SLC38A5: variants seen among roughly 807,000 people sequenced by gnomAD.
SLC38A5 encodes the protein sodium-coupled neutral amino acid transporter 5.
Under a neutral mutation model 34.6 loss-of-function variants are expected in SLC38A5, and 9 were observed. That is an observed-to-expected ratio of 0.26 (90% confidence interval 0.16 to 0.45). SLC38A5 has a LOEUF of 0.45. SLC38A5 is among the 20% of genes least tolerant of loss of function. The probability of loss-of-function intolerance (pLI) is 1.00; values close to 1 mark genes in which losing one functional copy is unlikely to be tolerated. For synonymous variants in SLC38A5, 157 were observed against 155.6 expected, an observed-to-expected ratio of 1.01 and a Z score of -0.07; for missense variants, 253 against 394.7, an observed-to-expected ratio of 0.64 and a Z score of 3.04.
At chrX:48,462,329 A>G in intron 9 of SLC38A5, 38 bp from the exon 10 acceptor site, 1 of 1,177,827 alleles carries the variant, frequency 8.5e-7, no homozygotes, top group Non-Finnish European at 1.1e-6. Flanking sequence ...GAAATCAGCC[A>G]GGCGTGGTGG....
At position 48,459,575 on chromosome X, in the gene SLC38A5, G is replaced by C. The variant is rs1556961378; in HGVS notation, c.1278C>G (p.Pro426=). The change falls in exon 16 of 17, where the codon CCC becomes CCG. Residue 426 remains proline, a synonymous_variant. Coordinates refer to ENST00000620913, the MANE Select transcript of SLC38A5 (RefSeq NM_033518.4). ...AGGATAAGAAAGGCTCCACCTCAGAGGGTACAATGCGGAGGTAGAAGATGC... is the reference window on the plus strand; with the variant it reads ...AGGATAAGAAAGGCTCCACCTCAGACGGTACAATGCGGAGGTAGAAGATGC... ...LPSIFYLRIV[P]SEVEPFLSWP... is the part of the protein sequence containing the mutation. 1 of 1,136,434 alleles carries C rather than the reference G, an allele frequency of 8.8e-7. No individual in the cohort carries two copies. The highest frequency in any genetic ancestry group is 1.8e-5 in the African/African-American group (1 of 55,006). 93.7% of individuals were successfully genotyped at this position (1,136,434 alleles called of 1,213,427 possible). A position where few individuals can be genotyped will look rare whatever the true frequency, so the allele number is the denominator to read the frequency against.
rs113356034 is a variant in SLC38A5 at position 48,467,741 on chromosome X, G to C, written c.98C>G (p.Ala33Gly). ...REGFLPSRGPAPGSKPVQFMD... is the reference protein window; with the variant it reads ...REGFLPSRGPGPGSKPVQFMD... Reference sequence around the variant, plus strand: ...GAACTGGACCGGCTTGCTCCCAGGAGCAGGACCACGACTGGGCAGGAAGCC... The same window carrying C: ...GAACTGGACCGGCTTGCTCCCAGGACCAGGACCACGACTGGGCAGGAAGCC... The change falls in exon 4 of 17, where the codon GCT becomes GGT. Residue 33 changes from alanine (A) to glycine (G), a missense_variant. Physicochemically the swap from Ala to Gly is moderately conservative, Grantham distance 60. Coordinates refer to ENST00000620913, the MANE Select transcript of SLC38A5 (RefSeq NM_033518.4). The C allele has an allele frequency of 4.1e-5, 49 of 1,206,201 alleles. No homozygotes were observed. The highest frequency in any genetic ancestry group is 5.5e-5 in the Non-Finnish European group (49 of 893,590).
rs2061482329 is a variant in SLC38A5, at chrX:48,467,009, G to A, written c.198C>T (p.Ile66=). ...NLSNAIMGSG[I]LGLAYAMAHT... ...GGGCCATGGCATAGGCCAGCCCCAG[G>A]ATGCCGCTGCCCATGATGGCGTTGC... Residue 66 remains isoleucine, a synonymous_variant, in exon 5 of 17, where the codon ATC becomes ATT. Coordinates refer to ENST00000620913, the MANE Select transcript of SLC38A5 (RefSeq NM_033518.4). 3 of 1,210,862 alleles carry A rather than the reference G, an allele frequency of 2.5e-6. No individual in the cohort carries two copies. The highest frequency in any genetic ancestry group is 3.4e-6 in the Non-Finnish European group (3 of 895,393).
At chrX:48,468,464 C>A in intron 2 of SLC38A5, 2 of 719,729 alleles carry the variant, frequency 2.8e-6, no homozygotes, top group Non-Finnish European at 3.3e-6. Flanking sequence ...CCCCCTCCTT[C>A]CCGCCTGGGC....
At chrX:48,467,967 G>C (rs113935040) in intron 2 of SLC38A5, 42 bp from the exon 3 acceptor site, 12 of 1,162,569 alleles carry the variant, frequency 1.0e-5, no homozygotes. Context: ...GAGATGGAAC[G>C]AGCATGCTTC....
chrX:48,468,463 T>A, intron 2 of SLC38A5: 10 of 727,338 alleles, frequency 1.4e-5, no homozygotes, highest in Non-Finnish European at 1.6e-5. Context: ...CCCCCCTCCT[T>A]CCCGCCTGGG....
Position 48,462,309 on chromosome X carries a change from CAG to C in SLC38A5, c.575-20_575-19del, listed in dbSNP as rs782676539. The stretch of plus-strand genomic sequence containing the variant: ...CAGGTAGCCTAAGAGGGGCAAAACA[CAG>C]AGTCTCAGAAATCAGCCAGGCGTGG... On this transcript the variant is annotated intron_variant, in intron 9 of 16. Coordinates refer to ENST00000620913, the MANE Select transcript of SLC38A5 (RefSeq NM_033518.4). The C allele has an allele frequency of 3.3e-6, 4 of 1,202,084 alleles. No individual in the cohort carries two copies. The highest frequency in any genetic ancestry group is 4.5e-6 in the Non-Finnish European group (4 of 889,408).
intron 14 of SLC38A5, 120 bp from the exon 15 acceptor site, chrX:48,459,996 A>G (rs1309890102): frequency 6.3e-6 from 6 of 954,692 alleles, no homozygotes; most frequent in East Asian, 3.4e-5. Flanking sequence ...CCCTCTGACT[A>G]TCTATGGCTC....
Position 48,458,996 on chromosome X carries a change from G to C in SLC38A5, c.1356C>G (p.Ala452=), listed in dbSNP as rs148202849. ...CFGVLGVLFM[A]VSLGFMFANW... ...TGGCAAACATAAAGCCTAGACTGACGGCCATGAAGAGGACTCCCAGGACTC... is the reference window on the plus strand; with the variant it reads ...TGGCAAACATAAAGCCTAGACTGACCGCCATGAAGAGGACTCCCAGGACTC... Residue 452 remains alanine, a synonymous_variant, in exon 17 of 17, where the codon GCC becomes GCG. Coordinates refer to ENST00000620913, the MANE Select transcript of SLC38A5 (RefSeq NM_033518.4). 3 of 1,194,933 alleles carry C rather than the reference G, an allele frequency of 2.5e-6. No individual in the cohort carries two copies. The African/African-American group carries it at 5.2e-5, about 21-fold the overall frequency.
chrX:48,468,353 A>T, intron 2 of SLC38A5: 1 of 728,979 alleles, frequency 1.4e-6, no homozygotes, highest in Admixed American at 9.3e-5. Flanking sequence ...CCCCCGCGCC[A>T]CCCCCTCTCC....
intron 7 of SLC38A5, 40 bp from the exon 8 acceptor site, chrX:48,466,133 T>G (rs990099997): frequency 1.7e-6 from 2 of 1,168,294 alleles, no homozygotes; most frequent in Non-Finnish European, 2.3e-6. Context: ...AGGATTCTCT[T>G]CATGCCCCCA....
chrX:48,468,898 G>A, intron 2 of SLC38A5: 5 of 753,299 alleles, frequency 6.6e-6, no homozygotes, highest in Non-Finnish European at 7.8e-6. Flanking sequence ...GTTTCCTGGG[G>A]TGGGGGTGTC....
At chrX:48,463,851 GAGAGAA>G (rs1373981382) in intron 8 of SLC38A5, among the ~76,000 whole-genome samples, 12 of 66,157 alleles carry the variant, frequency 1.8e-4, no homozygotes, top group African/African-American at 5.5e-4. Flanking sequence ...GAAAGAAAGA[GAGAGAA>G]AGAAAGAAAG....
intron 8 of SLC38A5, 88 bp downstream of exon 8, chrX:48,465,927 G>T: frequency 1.2e-6 from 1 of 815,666 alleles, no homozygotes; most frequent in Non-Finnish European, 1.7e-6. Flanking sequence ...CTGGAAGTCA[G>T]CTGCACACAC....
At chrX:48,469,024 T>G in intron 2 of SLC38A5, 1 of 753,331 alleles carries the variant, frequency 1.3e-6, no homozygotes. Flanking sequence ...GAAACCCCCA[T>G]TCAAGGTCCC....
At chrX:48,466,148 G>A (rs782270477) in intron 7 of SLC38A5, 55 bp from the exon 8 acceptor site, 11 of 1,099,951 alleles carry the variant, frequency 1.0e-5, no homozygotes, top group African/African-American at 9.7e-5. Flanking sequence ...CCCCCACCCC[G>A]TCTTCCCCAG....
At chrX:48,461,646 G>T (rs1175073953) in intron 12 of SLC38A5, 72 bp downstream of exon 12, 2 of 1,013,306 alleles carry the variant, frequency 2.0e-6, no homozygotes, top group Non-Finnish European at 2.7e-6. Flanking sequence ...ACTGCTGTAG[G>T]GAGTGTCAGA....
Position 48,459,016 on chromosome X carries a change from GGA to G in SLC38A5, c.1334_1335del (p.Val445AlafsTer?). 3.4e-6 allele frequency: 4 copies of G among 1,193,468 alleles called. No homozygotes were observed. Among genetic ancestry groups the G allele is most frequent in the Non-Finnish European group, 4.5e-6 (4 of 885,552 alleles). On this transcript the variant is annotated frameshift_variant, in exon 17 of 17. Coordinates refer to ENST00000620913, the MANE Select transcript of SLC38A5 (RefSeq NM_033518.4). LOFTEE classifies it low-confidence loss of function (END_TRUNC). ...CTGACGGCCATGAAGAGGACTCCCA[GGA>G]CTCCAAAGCACAGGGCCTGTGGGCC... ...WPKIQALCFG[V>X]LGVLFMAVSL...
At chrX:48,463,316 G>A (rs782229235) in intron 8 of SLC38A5, among the ~76,000 whole-genome samples, 68 of 112,526 alleles carry the variant, frequency 6.0e-4, no homozygotes, top group Admixed American at 2.2e-3. Flanking sequence ...GTAAAAATCA[G>A]TCCAGGCCAG....
Sources: gnomAD v4.1 joint callset for allele counts (sites outside exome capture counted in the v4.1 genomes callset) on GRCh38, gnomAD v4.1.1 for gene constraint, MANE v1.5 for transcripts, NCBI Gene and HGNC (gene_info 2026-07-23, HGNC 2026-07-21) for gene names.